CNDP1: variants seen among roughly 807,000 people sequenced by gnomAD.
The protein encoded by CNDP1 is carnosine dipeptidase 1, also known as beta-Ala-His dipeptidase.
In CNDP1, 44 loss-of-function variants were observed where a neutral mutation model predicts 58.1. The ratio of observed to expected loss-of-function variants is 0.76; its 90% CI spans 0.60 to 0.97. The LOEUF (loss-of-function observed/expected upper bound fraction) is 0.97, where lower values mean the gene tolerates loss of function less well. Among genes scored for constraint, CNDP1 ranks in the 50% least tolerant of loss-of-function variants. The probability of loss-of-function intolerance (pLI) is 0.00; values close to 1 mark genes in which losing one functional copy is unlikely to be tolerated. For missense variants in CNDP1, 616 were observed against 655.1 expected (o/e 0.94, Z 0.65); for synonymous variants, 254 against 252.6 (o/e 1.01, Z -0.05).
At chr18:74,549,962 G>A (rs1431020863) in intron 1 of CNDP1, among the ~76,000 whole-genome samples, 2 of 152,222 alleles carry the variant, frequency 1.3e-5, no homozygotes, top group East Asian at 3.9e-4. Flanking sequence ...GAGTAAGGGA[G>A]GCTTGCCAGC....
At chr18:74,573,690 C>A (rs1171436568) in intron 7 of CNDP1, among the ~76,000 whole-genome samples, 2 of 152,194 alleles carry the variant, frequency 1.3e-5, no homozygotes, top group African/African-American at 4.8e-5. Flanking sequence ...TCCCTATGAA[C>A]TGCATCTGAA....
At chr18:74,539,009 T>C (rs1014878558) in intron 1 of CNDP1, among the ~76,000 whole-genome samples, 2 of 152,160 alleles carry the variant, frequency 1.3e-5, no homozygotes, top group Non-Finnish European at 2.9e-5. Flanking sequence ...GAATCTAGGG[T>C]TCAGCTTATT....
At position 74,545,117 on chromosome 18, in the gene CNDP1, G is replaced by T. The variant is rs1000811030; in HGVS notation, c.24+10426G>T. On this transcript the variant is annotated intron_variant, in intron 1 of 11. Transcript: ENST00000358821. This position sits in a 1 kb window ranked among gnomAD's most constrained non-coding sequence, Gnocchi z 4.1. ...TGCCAACACGTGATTTAGGTTTCTG[G>T]CCTCTAAAACTGTGGGAGAATAAAG... Among the ~76,000 whole-genome samples, 10 of 152,312 alleles carry T rather than the reference G, an allele frequency of 6.6e-5. No individual in the cohort carries two copies. The South Asian group carries it at 2.1e-3, about 32-fold the overall frequency.
chr18:74,557,540 C>T (rs1037698791), intron 2 of CNDP1, among the ~76,000 whole-genome samples: 1 of 152,026 alleles, frequency 6.6e-6, no homozygotes, highest in Non-Finnish European at 1.5e-5. Flanking sequence ...CAGCTCCTCC[C>T]CACCCCCACT....
intron 7 of CNDP1, among the ~76,000 whole-genome samples, chr18:74,571,692 T>A (rs915705923): frequency 8.5e-5 from 13 of 152,068 alleles, no homozygotes; most frequent in African/African-American, 3.1e-4. Context: ...TGAAGATAAA[T>A]CAACAAAGGG....
At position 74,560,990 on chromosome 18, in the gene CNDP1, G is replaced by T. The variant is rs371313911; in HGVS notation, c.438G>T (p.Thr146=). ...QPADRGDGWL[T]DPYVLTEVDG... is the part of the protein sequence containing the mutation. ...CTGACCGGGGCGATGGGTGGCTCAC[G>T]GACCCCTATGTGCTGACGGAGGTAG... The change falls in exon 4 of 12, where the codon ACG becomes ACT. Residue 146 remains threonine (T), a synonymous_variant. Transcript: ENST00000358821. 2.5e-5 allele frequency: 40 copies of T among 1,613,948 alleles called. No homozygotes were observed. Among genetic ancestry groups the T allele is most frequent in the Non-Finnish European group, 3.2e-5 (38 of 1,180,008 alleles).
intron 2 of CNDP1, 48 bp downstream of exon 2, chr18:74,556,514 T>C (rs1440653045): frequency 1.2e-6 from 2 of 1,605,534 alleles, no homozygotes; most frequent in African/African-American, 1.3e-5. Flanking sequence ...TTGGATTATA[T>C]CCTTTGGTAT....
At chr18:74,551,453 CAG>C (rs1980908244) in intron 1 of CNDP1, among the ~76,000 whole-genome samples, 1 of 151,924 alleles carries the variant, frequency 6.6e-6, no homozygotes, top group African/African-American at 2.4e-5. Flanking sequence ...AGATCCCACT[CAG>C]ATGGTGAAGG....
In CNDP1 at chr18:74,581,886, C is replaced by G. The variant is rs113084027; in HGVS notation, c.1309+1615C>G. ...TAGGTAGACCTATGGCATCCTATTA[C>G]AGATGAGGCCTGAGGCCACATTGGC... is the stretch of plus-strand genomic sequence containing the variant. On this transcript the variant is annotated intron_variant, in intron 10 of 11. Transcript: ENST00000358821. Among the ~76,000 whole-genome samples, 1,471 of 152,346 alleles carry G rather than the reference C, an allele frequency of 9.7e-3. 23 individuals carry two copies. The highest frequency in any genetic ancestry group is 0.03 in the African/African-American group (1,253 of 41,568).
chr18:74,580,867 G>T (rs1022847578), intron 10 of CNDP1, among the ~76,000 whole-genome samples: 2 of 152,218 alleles, frequency 1.3e-5, no homozygotes, highest in Non-Finnish European at 2.9e-5. Flanking sequence ...TACTCAGGAG[G>T]CTGAGGCAGA....
In CNDP1 at chr18:74,560,862, G is replaced by A. The variant is rs202206682; in HGVS notation, c.310G>A (p.Asp104Asn). The change falls in exon 4 of 12, where the codon GAT becomes AAT. Residue 104 changes from aspartate to asparagine, a missense_variant. Physicochemically the swap from Asp to Asn is conservative, Grantham distance 23. Transcript: ENST00000358821. Reference sequence around the variant, plus strand: ...ATTCCTGATCATTCTGCAGCTGCCCGATGGTCAGAGTCTTCCAATACCTCC... The same window carrying A: ...ATTCCTGATCATTCTGCAGCTGCCCAATGGTCAGAGTCTTCCAATACCTCC... ...SVDMGPQQLPDGQSLPIPPVI... is the reference protein window; with the variant it reads ...SVDMGPQQLPNGQSLPIPPVI... 1.2e-4 allele frequency: 193 copies of A among 1,612,292 alleles called. No individual in the cohort carries two copies. The East Asian group carries it at 2.6e-3, about 21-fold the overall frequency.
At position 74,545,582 on chromosome 18, in the gene CNDP1, C is replaced by A. The variant is rs1271263846; in HGVS notation, c.25-10756C>A. ...CTCCTCTCCTGACTCCGTGAGAAAT[C>A]TCTGCTCTCCTCCTCGCCACCCCTC... On this transcript the variant is annotated intron_variant, in intron 1 of 11. Coordinates refer to ENST00000358821, the MANE Select transcript of CNDP1 (RefSeq NM_032649.6). This position sits in a 1 kb window ranked among gnomAD's most constrained non-coding sequence, Gnocchi z 4.1. Among the ~76,000 whole-genome samples, 1 of 152,150 alleles carries A rather than the reference C, an allele frequency of 6.6e-6. No homozygotes were observed. The highest frequency in any genetic ancestry group is 1.5e-5 in the Non-Finnish European group (1 of 68,044).
At chr18:74,561,857 C>A in intron 4 of CNDP1, 190 bp from the exon 5 acceptor site, 1 of 498,134 alleles carries the variant, frequency 2.0e-6, no homozygotes, top group Non-Finnish European at 3.6e-6. Flanking sequence ...GGAAGAGATC[C>A]AAGGATCTCT....
intron 4 of CNDP1, 80 bp from the exon 5 acceptor site, chr18:74,561,967 C>A: frequency 1.8e-6 from 2 of 1,127,520 alleles, no homozygotes; most frequent in East Asian, 4.7e-5. Context: ...AACATCAGTA[C>A]CCATGAAACG....
At chr18:74,579,310 C>G (rs1483149242) in intron 9 of CNDP1, among the ~76,000 whole-genome samples, 1 of 147,100 alleles carries the variant, frequency 6.8e-6, no homozygotes, top group Non-Finnish European at 1.5e-5. Flanking sequence ...CTCCTCTCCC[C>G]ACTCCCTTCC....
chr18:74,534,930 GT>G (rs1471924728), intron 1 of CNDP1, among the ~76,000 whole-genome samples: 10 of 152,174 alleles, frequency 6.6e-5, no homozygotes, highest in African/African-American at 2.4e-4. Flanking sequence ...TGGCATTATT[GT>G]CAAGTAGTTC....
intron 9 of CNDP1, 96 bp downstream of exon 9, chr18:74,578,423 G>A: frequency 7.9e-7 from 1 of 1,258,602 alleles, no homozygotes; most frequent in Non-Finnish European, 1.1e-6. Flanking sequence ...TGCTACCATT[G>A]GAGTATCATT....
chr18:74,556,437 A>AT lies in CNDP1; in HGVS notation c.126dup (p.Asp43Ter). 6.2e-7 allele frequency: 1 copy of AT among 1,614,210 alleles called. No homozygotes were observed. The highest frequency in any genetic ancestry group is 8.5e-7 in the Non-Finnish European group (1 of 1,180,026). Reference sequence around the variant, plus strand: ...GCTGTTAGAGAAAGTCTTCCAGTACATTGACCTCCATCAGGATGAATTTGT... The same window carrying AT: ...GCTGTTAGAGAAAGTCTTCCAGTACATTTGACCTCCATCAGGATGAATTTGT... On this transcript the variant is annotated frameshift_variant, in exon 2 of 12. Transcript: ENST00000358821. LOFTEE classifies it high-confidence loss of function.
chr18:74,544,104 T>A (rs767314237), intron 1 of CNDP1, among the ~76,000 whole-genome samples: 2 of 151,734 alleles, frequency 1.3e-5, no homozygotes, highest in Non-Finnish European at 2.9e-5. Flanking sequence ...GCTTAAAAAA[T>A]AAGCCGGCTT....
Sources: gnomAD v4.1 joint callset for allele counts (sites outside exome capture counted in the v4.1 genomes callset) on GRCh38, gnomAD v4.1.1 for gene constraint, Gnocchi (gnomAD v3.1) non-coding constraint, MANE v1.5 for transcripts, NCBI Gene and HGNC (gene_info 2026-07-23, HGNC 2026-07-21) for gene names.